Variants in OTUD3 observed in about 807,000 individuals in gnomAD.
OTUD3 encodes the protein OTU deubiquitinase 3.
In OTUD3, 24 loss-of-function variants were observed where a neutral mutation model predicts 46.2. The ratio of observed to expected loss-of-function variants is 0.52; its 90% confidence interval spans 0.38 to 0.73. The LOEUF (loss-of-function observed/expected upper bound fraction) is 0.73. OTUD3 is among the 30% of genes least tolerant of loss of function. OTUD3 has a pLI of 0.00. For missense variants in OTUD3, 455 were observed against 523.3 expected (o/e 0.87, Z 1.27); for synonymous variants, 189 against 195.4 (o/e 0.97, Z 0.27).
chr1:19,894,413 T>C lies in OTUD3; in HGVS notation c.416T>C (p.Ile139Thr), dbSNP rs1255872577. 2 of 1,611,522 alleles carry C rather than the reference T, an allele frequency of 1.2e-6. No individual in the cohort carries two copies. The highest frequency in any genetic ancestry group is 1.7e-6 in the Non-Finnish European group (2 of 1,178,814). Residue 139 changes from isoleucine to threonine, a missense_variant, in exon 3 of 8, where the codon ATT becomes ACT. Ile to Thr is a moderately conservative substitution (Grantham distance 89, BLOSUM62 -1). Coordinates refer to ENST00000375120, the MANE Select transcript of OTUD3 (RefSeq NM_015207.2). Reference protein sequence around the residue: ...KPGTFAGNDAIVAFARNHQLN... With the variant: ...KPGTFAGNDATVAFARNHQLN... ...GGTACTTTTGCTGGCAATGATGCAA[T>C]TGTAGCCTTTGCAAGAAATCATCAG...
intron 1 of OTUD3, among the ~76,000 whole-genome samples, chr1:19,887,807 G>A (rs2045389210): frequency 6.6e-6 from 1 of 152,118 alleles, no homozygotes; most frequent in African/African-American, 2.4e-5. Context: ...TTAAAATACA[G>A]TAACTAGAAT....
At chr1:19,902,398 G>A (rs998574985) in intron 4 of OTUD3, among the ~76,000 whole-genome samples, 1 of 152,138 alleles carries the variant, frequency 6.6e-6, no homozygotes, top group South Asian at 2.1e-4. Context: ...GTGGAGACAG[G>A]GTTTCATCGT....
intron 2 of OTUD3, among the ~76,000 whole-genome samples, chr1:19,893,374 G>A (rs988808629): frequency 1.3e-5 from 2 of 152,078 alleles, no homozygotes; most frequent in Admixed American, 1.3e-4. Flanking sequence ...AATACTACTA[G>A]CCAAAGGAAG....
chr1:19,892,078 G>A (rs956517052), intron 2 of OTUD3, among the ~76,000 whole-genome samples: 18 of 152,160 alleles, frequency 1.2e-4, no homozygotes, highest in African/African-American at 4.1e-4. Flanking sequence ...ATTTTGGGGT[G>A]TTACAGGATA....
At chr1:19,889,509 CA>C (rs779396221) in intron 1 of OTUD3, among the ~76,000 whole-genome samples, 2 of 152,052 alleles carry the variant, frequency 1.3e-5, no homozygotes, top group East Asian at 1.9e-4. Flanking sequence ...TAAAACTGGA[CA>C]ACTGTTTGGC....
At chr1:19,899,025 G>C (rs1427024289) in intron 4 of OTUD3, among the ~76,000 whole-genome samples, 1 of 152,092 alleles carries the variant, frequency 6.6e-6, no homozygotes, top group Admixed American at 6.5e-5. Context: ...TGCCCAGGCT[G>C]CCCTCCAGCT....
At chr1:19,883,510 GCTGTGTCA>G (rs1459437893) in intron 1 of OTUD3, among the ~76,000 whole-genome samples, 1 of 152,210 alleles carries the variant, frequency 6.6e-6, no homozygotes, top group Non-Finnish European at 1.5e-5. Flanking sequence ...CTGGTTGTCA[GCTGTGTCA>G]CTTTGGAAGA....
Position 19,911,056 on chromosome 1 carries a change from T to G in OTUD3, c.*3310T>G, listed in dbSNP as rs1001205413. On this transcript the variant is annotated 3_prime_UTR_variant, in exon 8 of 8. Transcript: ENST00000375120. The stretch of plus-strand genomic sequence containing the variant: ...TCAGTCAGTTGAAGGAAACTTGGAT[T>G]CCTAGTCAGAGGTGACTAAAAGTTA... 2.6e-5 allele frequency: 4 copies of G among 152,330 alleles called. No homozygotes were observed. Among genetic ancestry groups the G allele is most frequent in the African/African-American group, 9.7e-5 (4 of 41,440 alleles). The allele number at this position is 152,330 out of a possible 1,614,324, so 9.4% of individuals were successfully genotyped here.
At chr1:19,891,869 T>C (rs1320368874) in intron 2 of OTUD3, among the ~76,000 whole-genome samples, 1 of 152,232 alleles carries the variant, frequency 6.6e-6, no homozygotes, top group African/African-American at 2.4e-5. Flanking sequence ...ACTTTTTGGC[T>C]AGCAGATATG....
chr1:19,883,225 C>T (rs1057506741), intron 1 of OTUD3, among the ~76,000 whole-genome samples: 3 of 152,196 alleles, frequency 2.0e-5, no homozygotes, highest in Non-Finnish European at 4.4e-5. Context: ...ATTAGGTCGC[C>T]TGTTTACTGA....
rs560967892 is a variant in OTUD3, at chr1:19,889,878, G to A, written c.222-507G>A. The stretch of plus-strand genomic sequence containing the variant: ...TAGGACTCAAACAGAGTATTGTTCA[G>A]TTGTTAGTATTGGCAGCTTGACAAA... On this transcript the variant is annotated intron_variant, in intron 1 of 7. Transcript: ENST00000375120. Among the ~76,000 whole-genome samples the A allele has an allele frequency of 3.9e-5, 6 of 152,260 alleles. No homozygotes were observed. In the East Asian group the frequency reaches 9.7e-4, roughly 25 times the overall value.
In OTUD3 at chr1:19,912,705, C is replaced by T. The variant is rs1033769370; in HGVS notation, c.*4959C>T. 6.6e-6 allele frequency: 1 copy of T among 152,380 alleles called. No homozygotes were observed. The highest frequency in any genetic ancestry group is 2.4e-5 in the African/African-American group (1 of 41,460). 9.4% of individuals were successfully genotyped at this position (152,380 alleles called of 1,614,324 possible). On this transcript the variant is annotated 3_prime_UTR_variant, in exon 8 of 8. Coordinates refer to ENST00000375120, the MANE Select transcript of OTUD3 (RefSeq NM_015207.2). ...CGATGGTGAGAATTGTGACCATTGT[C>T]TGATGTCCATAGTTCCTTCCCCCTA...
chr1:19,890,650 T>C (rs1231680215), intron 2 of OTUD3, 117 bp downstream of exon 2: 9 of 935,498 alleles, frequency 9.6e-6, no homozygotes, highest in Non-Finnish European at 1.5e-5. Flanking sequence ...GACATTCATT[T>C]ATTCAAGAAA....
intron 4 of OTUD3, among the ~76,000 whole-genome samples, chr1:19,898,748 G>A (rs1485671004): frequency 6.6e-6 from 1 of 151,440 alleles, no homozygotes; most frequent in Admixed American, 6.6e-5. Context: ...AAAAAAATTA[G>A]CATTATTGCA....
chr1:19,904,157 G>GTT (rs1321397311), intron 4 of OTUD3, 110 bp from the exon 5 acceptor site: 1 of 758,302 alleles, frequency 1.3e-6, no homozygotes, highest in Non-Finnish European at 2.0e-6. Flanking sequence ...TTTCTAGAAG[G>GTT]TTTTCCCCTA....
chr1:19,904,482 A>G lies in OTUD3; in HGVS notation c.738+84A>G. ...CTTCTTAGTTTCGTAGCACCTCTCT[A>G]GCATATCAGCACCTTGTGGGCCAAA... On this transcript the variant is annotated intron_variant, in intron 5 of 7. Coordinates refer to ENST00000375120, the MANE Select transcript of OTUD3 (RefSeq NM_015207.2). 4 of 1,311,406 alleles carry G rather than the reference A, an allele frequency of 3.1e-6. No individual in the cohort carries two copies. The South Asian group carries it at 4.2e-5, about 14-fold the overall frequency. 81.2% of individuals were successfully genotyped at this position (1,311,406 alleles called of 1,614,324 possible).
chr1:19,907,177 G>A (rs552297402), intron 7 of OTUD3, among the ~76,000 whole-genome samples: 1 of 152,152 alleles, frequency 6.6e-6, no homozygotes, highest in East Asian at 1.9e-4. Flanking sequence ...TCACCAAGAA[G>A]TTCTGAGCTC....
intron 2 of OTUD3, among the ~76,000 whole-genome samples, chr1:19,890,992 TTTGGTGAAGA>T (rs2045438334): frequency 6.6e-6 from 1 of 152,250 alleles, no homozygotes; most frequent in African/African-American, 2.4e-5. Context: ...TCACAGGGTT[TTTGGTGAAGA>T]TTAAATTAGA....
chr1:19,901,580 C>CT (rs1336361578), intron 4 of OTUD3, among the ~76,000 whole-genome samples: 2 of 152,132 alleles, frequency 1.3e-5, no homozygotes, highest in Non-Finnish European at 2.9e-5. Context: ...GTACTCAGTA[C>CT]ATCTGCAGTG....
Sources: allele counts gnomAD v4.1 joint callset (sites outside exome capture counted in the v4.1 genomes callset), GRCh38; gene constraint gnomAD v4.1.1; transcripts MANE v1.5; gene names NCBI Gene and HGNC (gene_info 2026-07-23, HGNC 2026-07-21).